ZMIZ1: variants seen among roughly 807,000 people sequenced by gnomAD.
The protein encoded by ZMIZ1 is zinc finger MIZ domain-containing protein 1.
ZMIZ1 carries 17 observed loss-of-function variants against 113.9 expected under a neutral mutation model. The observed-to-expected ratio is 0.15, with a 90% CI of 0.10 to 0.22. The LOEUF is 0.22. Ranked by LOEUF, ZMIZ1 falls within the 10% of genes least tolerant of loss-of-function variation. The pLI, the probability that ZMIZ1 is intolerant of heterozygous loss-of-function variation, is 1.00. For missense variants in ZMIZ1, 1,059 were observed against 1,477.8 expected, an observed-to-expected ratio of 0.72 and a Z score of 4.65; for synonymous variants, 607 against 603.1, an observed-to-expected ratio of 1.01 and a Z score of -0.09.
chr10:79,313,945 A>C lies in ZMIZ1; in HGVS notation c.*1196A>C, dbSNP rs1216321186. 2 of 422,670 alleles carry C rather than the reference A, an allele frequency of 4.7e-6. No individual in the cohort carries two copies. Among genetic ancestry groups the C allele is most frequent in the Non-Finnish European group, 9.6e-6 (2 of 209,266 alleles). The allele number at this position is 422,670 out of a possible 1,614,324, so 26.2% of individuals were successfully genotyped here. On this transcript the variant is annotated 3_prime_UTR_variant, in exon 25 of 25. Coordinates refer to ENST00000334512, the MANE Select transcript of ZMIZ1 (RefSeq NM_020338.4). The stretch of plus-strand genomic sequence containing the variant: ...GCCCCTCCCTCTGTCCCTGTGCTCC[A>C]AGCTGCCCCCGGCTGCAGCCCAGGC...
At chr10:79,197,584 A>C in intron 4 of ZMIZ1, among the ~76,000 whole-genome samples, 1 of 139,988 alleles carries the variant, frequency 7.1e-6, no homozygotes, top group Admixed American at 7.2e-5. Flanking sequence ...CGCCCCTGCC[A>C]ACCCAGACCA....
chr10:79,072,976 G>A (rs75132845), intron 1 of ZMIZ1, among the ~76,000 whole-genome samples: 4,441 of 152,288 alleles, frequency 0.029, 226 homozygotes, highest in African/African-American at 0.1. Context: ...GCTCCGGGGC[G>A]TTCTGAGGTT....
intron 18 of ZMIZ1, 141 bp from the exon 19 acceptor site, chr10:79,303,874 G>A (rs894569646): frequency 8.2e-7 from 1 of 1,222,886 alleles, no homozygotes; most frequent in Non-Finnish European, 1.1e-6. Flanking sequence ...GCCACACACT[G>A]CCCTCTCAGC....
intron 7 of ZMIZ1, among the ~76,000 whole-genome samples, chr10:79,223,067 G>A (rs937768573): frequency 1.8e-4 from 27 of 152,242 alleles, no homozygotes; most frequent in African/African-American, 2.9e-4. Flanking sequence ...TCCCCCTCAC[G>A]CCTCCCTTGT....
rs2985841 is a variant in ZMIZ1, at chr10:79,314,007, G to T, written c.*1258G>T. 4.4e-5 allele frequency: 20 copies of T among 455,692 alleles called. No individual in the cohort carries two copies. Among genetic ancestry groups the T allele is most frequent in the African/African-American group, 2.6e-4 (13 of 50,044 alleles). The allele number at this position is 455,692 out of a possible 1,614,324, so 28.2% of individuals were successfully genotyped here. ...GCACCAGTATGTACCTGCAGGCATG[G>T]GGGGGAGGGGGGCGTGTTTCTGGGC... On this transcript the variant is annotated 3_prime_UTR_variant, in exon 25 of 25. Transcript: ENST00000334512.
chr10:79,260,330 T>A (rs1243861052), intron 7 of ZMIZ1, among the ~76,000 whole-genome samples: 1 of 152,106 alleles, frequency 6.6e-6, no homozygotes, highest in Non-Finnish European at 1.5e-5. Context: ...TGGTGATAGG[T>A]GCTCTGAAGA....
intron 4 of ZMIZ1, among the ~76,000 whole-genome samples, chr10:79,171,660 C>T (rs571465867): frequency 2.0e-5 from 3 of 152,114 alleles, no homozygotes; most frequent in Non-Finnish European, 4.4e-5. Context: ...ACCGTGTCCA[C>T]GGGGCAAGGG....
chr10:79,260,037 G>A (rs1851171070), intron 7 of ZMIZ1, among the ~76,000 whole-genome samples: 2 of 152,242 alleles, frequency 1.3e-5, no homozygotes, highest in African/African-American at 4.8e-5. Flanking sequence ...TGAGCTCTGA[G>A]CGTCTGCTGT....
At position 79,312,772 on chromosome 10, in the gene ZMIZ1, C is replaced by A. The variant is rs763506346; in HGVS notation, c.*23C>A. 1.9e-6 allele frequency: 3 copies of A among 1,605,230 alleles called. No individual in the cohort carries two copies. In the Admixed American group the frequency reaches 5.0e-5, roughly 27 times the overall value. On this transcript the variant is annotated 3_prime_UTR_variant, in exon 25 of 25. Transcript: ENST00000334512. Reference sequence around the variant, plus strand: ...TGAGGGCCACCCGGTCGGGGCCATCCCTCCACACTCTGCATCCTACCCCAC... The same window carrying A: ...TGAGGGCCACCCGGTCGGGGCCATCACTCCACACTCTGCATCCTACCCCAC...
intron 6 of ZMIZ1, among the ~76,000 whole-genome samples, chr10:79,211,029 C>A (rs1848509962): frequency 6.6e-6 from 1 of 152,210 alleles, no homozygotes; most frequent in Admixed American, 6.5e-5. Flanking sequence ...CCCACTCCTG[C>A]AGCCTGGCCA....
rs150918736 is a variant in ZMIZ1 at position 79,232,729 on chromosome 10, T to C, written c.280+16455T>C. 7.2e-3 allele frequency among the ~76,000 whole-genome samples: 1,103 copies of C among 152,330 alleles called. 5 individuals carry two copies. Among genetic ancestry groups the C allele is most frequent in the African/African-American group, 0.025 (1,044 of 41,560 alleles). ...ATGTTTTAGATGCTAGGCAAAATAC[T>C]GCATGCACATCCTCTCCTTTCAGCT... On this transcript the variant is annotated intron_variant, in intron 7 of 24. Coordinates refer to ENST00000334512, the MANE Select transcript of ZMIZ1 (RefSeq NM_020338.4).
rs118148503 is a variant in ZMIZ1, at chr10:79,258,862, G to C, written c.281-18319G>C. ...TGGGTGATGGAAGGAATGACTGACT[G>C]AACATGGTCTGCTGAAACTTTGGGG... On this transcript the variant is annotated intron_variant, in intron 7 of 24. Transcript: ENST00000334512. Among the ~76,000 whole-genome samples, 98 of 152,348 alleles carry C rather than the reference G, an allele frequency of 6.4e-4. 1 individual carries two copies. In the East Asian group the frequency reaches 0.016, roughly 24 times the overall value.
At chr10:79,252,184 G>A (rs1850590892) in intron 7 of ZMIZ1, among the ~76,000 whole-genome samples, 1 of 151,894 alleles carries the variant, frequency 6.6e-6, no homozygotes, top group Admixed American at 6.6e-5. Context: ...GCAGGCTCCT[G>A]CAGGCTCCTG....
chr10:79,216,862 T>C (rs1304446656), intron 7 of ZMIZ1, among the ~76,000 whole-genome samples: 1 of 152,250 alleles, frequency 6.6e-6, no homozygotes, highest in East Asian at 1.9e-4. Context: ...ACCTGCGGTC[T>C]CCTGACCTTG....
intron 7 of ZMIZ1, among the ~76,000 whole-genome samples, chr10:79,221,437 A>C (rs917828498): frequency 1.8e-4 from 27 of 152,066 alleles, no homozygotes; most frequent in African/African-American, 6.0e-4. Context: ...CGCGGGCGGG[A>C]TCCTCCTCCT....
At chr10:79,074,008 G>T (rs143390082) in intron 1 of ZMIZ1, among the ~76,000 whole-genome samples, 1 of 152,218 alleles carries the variant, frequency 6.6e-6, no homozygotes, top group Non-Finnish European at 1.5e-5. Flanking sequence ...GCTACCAGCT[G>T]GCTGCCTGCC....
intron 7 of ZMIZ1, among the ~76,000 whole-genome samples, chr10:79,262,386 C>T (rs1176616452): frequency 6.6e-6 from 1 of 152,256 alleles, no homozygotes; most frequent in Admixed American, 6.5e-5. Flanking sequence ...GATTGAGAAT[C>T]CCTGGCCTGG....
intron 7 of ZMIZ1, among the ~76,000 whole-genome samples, chr10:79,230,305 G>T (rs1849345097): frequency 6.6e-6 from 1 of 152,062 alleles, no homozygotes; most frequent in African/African-American, 2.4e-5. Context: ...GCTCTGCCAG[G>T]GTCATCTGCA....
At chr10:79,283,160 G>C (rs1411272692) in intron 8 of ZMIZ1, among the ~76,000 whole-genome samples, 1 of 152,252 alleles carries the variant, frequency 6.6e-6, no homozygotes, top group Non-Finnish European at 1.5e-5. Context: ...CCAAGATTGA[G>C]AGGTGCCTTC....
Sources: allele counts gnomAD v4.1 joint callset (sites outside exome capture counted in the v4.1 genomes callset), GRCh38; gene constraint gnomAD v4.1.1; transcripts MANE v1.5; gene names NCBI Gene and HGNC (gene_info 2026-07-23, HGNC 2026-07-21).